PRELID2: variants seen among roughly 807,000 people sequenced by gnomAD.
The protein encoded by PRELID2 is PRELI domain containing 2, also known as PRELI domain-containing protein 2.
In PRELID2, 25 loss-of-function variants were observed where a neutral mutation model predicts 28.4. The observed-to-expected ratio is 0.88, with a 90% CI of 0.64 to 1.23. The LOEUF (loss-of-function observed/expected upper bound fraction) is 1.23. Among genes scored for constraint, PRELID2 ranks in the 50% most tolerant of loss-of-function variants. PRELID2 has a pLI of 0.00. For missense variants in PRELID2, 201 were observed against 214.4 expected (o/e 0.94, Z 0.39); for synonymous variants, 76 against 71.6 (o/e 1.06, Z -0.31).
intron 1 of PRELID2, among the ~76,000 whole-genome samples, chr5:145,726,234 A>AGGG (rs1756148172): frequency 9.2e-6 from 1 of 108,196 alleles, no homozygotes; most frequent in African/African-American, 4.4e-5. Flanking sequence ...GGAAGGAAGG[A>AGGG]AGGAGGGAGG....
In PRELID2 at chr5:145,595,893, G is replaced by C. The variant is rs554252562; in HGVS notation, n.71-122578C>G. Among the ~76,000 whole-genome samples, 9 of 152,114 alleles carry C rather than the reference G, an allele frequency of 5.9e-5. No individual in the cohort carries two copies. The South Asian group carries it at 1.9e-3, about 32-fold the overall frequency. On this transcript the variant is annotated intron_variant and non_coding_transcript_variant, in intron 1 of 2. Coordinates refer to the PRELID2 transcript ENST00000510259. ...TAATTCAGATAAAATGAAACCAACA[G>C]TTAGTTACCCTTTCCAAATATTTCT... is the stretch of plus-strand genomic sequence containing the variant.
chr5:145,826,257 G>A (rs990489961), intron 1 of PRELID2: 14 of 814,266 alleles, frequency 1.7e-5, no homozygotes, highest in South Asian at 1.1e-4. Context: ...TGTAAAGCCC[G>A]CAGACAAGCA....
the PRELID2 span, among the ~76,000 whole-genome samples, chr5:145,432,054 T>C: frequency 6.6e-6 from 1 of 152,106 alleles, no homozygotes; most frequent in African/African-American, 2.4e-5. Flanking sequence ...AAAATATATA[T>C]ATTTCAGACT....
the PRELID2 span, among the ~76,000 whole-genome samples, chr5:145,315,918 C>T: frequency 1.1e-4 from 17 of 152,200 alleles, no homozygotes; most frequent in Admixed American, 9.8e-4. Context: ...TTCAATTAAG[C>T]TGTTAAAATA....
At chr5:145,489,338 C>A (rs1023967765) in intron 1 of PRELID2, among the ~76,000 whole-genome samples, 3 of 152,130 alleles carry the variant, frequency 2.0e-5, no homozygotes, top group Non-Finnish European at 4.4e-5. Flanking sequence ...CAATTAGCCT[C>A]CAATAACAGC....
intron 1 of PRELID2, among the ~76,000 whole-genome samples, chr5:145,539,974 ATTTT>A (rs1354608078): frequency 6.6e-6 from 1 of 151,768 alleles, no homozygotes; most frequent in African/African-American, 2.4e-5. Context: ...CGCTTTTCTT[ATTTT>A]TTTATTTTCA....
intron 1 of PRELID2, among the ~76,000 whole-genome samples, chr5:145,488,873 C>T (rs1040506285): frequency 2.6e-5 from 4 of 152,018 alleles, no homozygotes; most frequent in African/African-American, 9.7e-5. Context: ...GTTAGGAAAC[C>T]TGTTTGTTTT....
intron 1 of PRELID2, among the ~76,000 whole-genome samples, chr5:145,749,519 A>T (rs772202465): frequency 2.6e-5 from 4 of 152,156 alleles, no homozygotes; most frequent in Non-Finnish European, 5.9e-5. Context: ...GTTGGTGGGA[A>T]TGTAAATTAG....
Position 145,671,015 on chromosome 5 carries a change from G to T in PRELID2, n.70+93916C>A, listed in dbSNP as rs12519529. Among the ~76,000 whole-genome samples the T allele has an allele frequency of 1.4e-3, 210 of 152,232 alleles. 1 individual carries two copies. The highest frequency in any genetic ancestry group is 0.01 in the Admixed American group (154 of 15,256). ...TATTTCAGCATAAAATGGGGATAAT[G>T]ATATTGATTTCACAAGATTTTCATA... is the stretch of plus-strand genomic sequence containing the variant. On this transcript the variant is annotated intron_variant and non_coding_transcript_variant, in intron 1 of 2. Transcript: ENST00000510259.
chr5:145,421,421 G>T, the PRELID2 span, among the ~76,000 whole-genome samples: 1 of 149,880 alleles, frequency 6.7e-6, no homozygotes, highest in Non-Finnish European at 1.5e-5. Context: ...GCCTGTTATT[G>T]GTCTATTCAG....
chr5:145,315,448 A>G, the PRELID2 span, among the ~76,000 whole-genome samples: 2 of 152,300 alleles, frequency 1.3e-5, no homozygotes, highest in Non-Finnish European at 2.9e-5. Flanking sequence ...CCTTTCATAT[A>G]GAATGAAGAA....
chr5:145,293,285 TG>T, the PRELID2 span, among the ~76,000 whole-genome samples: 60 of 152,286 alleles, frequency 3.9e-4, no homozygotes, highest in Middle Eastern at 6.8e-3. Flanking sequence ...GACAGATTTC[TG>T]GGGATTAGAA....
rs149313949 is a variant in PRELID2 at position 145,707,763 on chromosome 5, T to C, written n.70+57168A>G. On this transcript the variant is annotated intron_variant and non_coding_transcript_variant, in intron 1 of 2. Coordinates refer to the PRELID2 transcript ENST00000510259. ...TCAAGTCAAATCCAAATCTTCCTGA[T>C]TTGGAAGTTCCTGGGATTGTTTACA... 1.0e-3 allele frequency among the ~76,000 whole-genome samples: 158 copies of C among 152,244 alleles called. 2 individuals carry two copies. In the East Asian group the frequency reaches 0.024, roughly 23 times the overall value.
intron 1 of PRELID2, among the ~76,000 whole-genome samples, chr5:145,735,923 C>G (rs1017159147): frequency 6.6e-6 from 1 of 152,190 alleles, no homozygotes; most frequent in African/African-American, 2.4e-5. Flanking sequence ...TTACTCGGCG[C>G]TCTCTCTGAA....
intron 1 of PRELID2, among the ~76,000 whole-genome samples, chr5:145,730,146 G>A (rs1756297608): frequency 6.6e-6 from 1 of 152,056 alleles, no homozygotes; most frequent in African/African-American, 2.4e-5. Context: ...CCACCCTTTA[G>A]CACAGAGCTT....
At chr5:145,615,207 C>A (rs1753677009) in intron 1 of PRELID2, among the ~76,000 whole-genome samples, 1 of 151,926 alleles carries the variant, frequency 6.6e-6, no homozygotes, top group Admixed American at 6.6e-5. Flanking sequence ...TTTGTTTTGT[C>A]TGATGTAAGA....
the PRELID2 span, among the ~76,000 whole-genome samples, chr5:145,465,953 C>T: frequency 6.6e-6 from 1 of 152,082 alleles, no homozygotes; most frequent in Non-Finnish European, 1.5e-5. Context: ...AGATTTCTGA[C>T]AATCTGACCA....
At chr5:145,529,697 C>G (rs1752639109) in intron 1 of PRELID2, among the ~76,000 whole-genome samples, 1 of 152,074 alleles carries the variant, frequency 6.6e-6, no homozygotes, top group South Asian at 2.1e-4. Context: ...CAGATACAAA[C>G]AGTAAACACA....
intron 5 of PRELID2, among the ~76,000 whole-genome samples, chr5:145,790,701 T>TTGTGTGTGTG (rs148531864): frequency 0.011 from 1,158 of 104,834 alleles, 18 homozygotes; most frequent in African/African-American, 0.021. Flanking sequence ...TAATTCCACA[T>TTGTGTGTGTG]TGTGTGTGTG....
Sources: gnomAD v4.1 joint callset for allele counts (sites outside exome capture counted in the v4.1 genomes callset) on GRCh38, gnomAD v4.1.1 for gene constraint, MANE v1.5 for transcripts, NCBI Gene and HGNC (gene_info 2026-07-23, HGNC 2026-07-21) for gene names.